Variants in GPC5 observed in about 807,000 individuals in gnomAD.
The protein encoded by GPC5 is glypican 5.
A neutral mutation model predicts 53.9 loss-of-function variants in GPC5; 47 were observed. The observed-to-expected ratio is 0.87, with a 90% CI of 0.69 to 1.11. The LOEUF is 1.11. GPC5 is among the 50% of genes most tolerant of loss of function. The probability of loss-of-function intolerance (pLI) is 0.00; values close to 1 mark genes in which losing one functional copy is unlikely to be tolerated. For synonymous variants in GPC5, 286 were observed against 263.3 expected (o/e 1.09, Z -0.84); for missense variants, 748 against 713.1 (o/e 1.05, Z -0.56).
chr13:92,632,821 G>C (rs1885295572), intron 7 of GPC5, among the ~76,000 whole-genome samples: 1 of 152,088 alleles, frequency 6.6e-6, no homozygotes, highest in African/African-American at 2.4e-5. Context: ...GGAGGAGCAA[G>C]TCACATTTTG....
intron 7 of GPC5, among the ~76,000 whole-genome samples, chr13:92,787,679 A>AAAAAAAAAAAAAAAAAG (rs1566418556): frequency 6.7e-6 from 1 of 148,920 alleles, no homozygotes; most frequent in East Asian, 2.0e-4. Flanking sequence ...AAAAAAAAAA[A>AAAAAAAAAAAAAAAAAG]AAAAGAAAAG....
At chr13:91,455,852 A>G (rs1264794243) in intron 2 of GPC5, among the ~76,000 whole-genome samples, 1 of 152,126 alleles carries the variant, frequency 6.6e-6, no homozygotes, top group Non-Finnish European at 1.5e-5. Flanking sequence ...CATTATATAC[A>G]TGCAACCCAC....
chr13:92,425,684 A>G (rs1329358123), intron 7 of GPC5, among the ~76,000 whole-genome samples: 5 of 152,024 alleles, frequency 3.3e-5, no homozygotes, highest in African/African-American at 9.7e-5. Flanking sequence ...CCTAAGCAAT[A>G]TGCCTTTATT....
chr13:92,770,324 G>T (rs1194345656), intron 7 of GPC5, among the ~76,000 whole-genome samples: 1 of 147,302 alleles, frequency 6.8e-6, no homozygotes, highest in Non-Finnish European at 1.5e-5. Flanking sequence ...TGAGGTGGGA[G>T]AACATTCTTG....
chr13:92,174,628 CTTCTT>C lies in GPC5; in HGVS notation c.1561+29641_1561+29645del, dbSNP rs552827804. ...ATTCATACATTTATCCACCTATACA[CTTCTT>C]TACTTAAAAACAGCAAAAAGTATTA... On this transcript the variant is annotated intron_variant, in intron 7 of 7. Transcript: ENST00000377067. Among the ~76,000 whole-genome samples, 202 of 152,096 alleles carry C rather than the reference CTTCTT, an allele frequency of 1.3e-3. 1 individual carries two copies. The highest frequency in any genetic ancestry group is 4.7e-3 in the African/African-American group (194 of 41,492).
chr13:91,691,340 G>T (rs1704689248), intron 2 of GPC5, among the ~76,000 whole-genome samples: 1 of 152,176 alleles, frequency 6.6e-6, no homozygotes, highest in Non-Finnish European at 1.5e-5. Flanking sequence ...GATTTCAAAT[G>T]CAGAGACCTG....
At chr13:92,213,503 G>C (rs1566487834) in intron 7 of GPC5, among the ~76,000 whole-genome samples, 1 of 152,064 alleles carries the variant, frequency 6.6e-6, no homozygotes, top group Non-Finnish European at 1.5e-5. Context: ...TCATTATCTA[G>C]TCAGTAATTC....
At chr13:92,453,965 T>C (rs1462627403) in intron 7 of GPC5, among the ~76,000 whole-genome samples, 2 of 152,200 alleles carry the variant, frequency 1.3e-5, no homozygotes, top group East Asian at 1.9e-4. Flanking sequence ...TGTCTGATTT[T>C]ATCCATCTGG....
intron 6 of GPC5, among the ~76,000 whole-genome samples, chr13:92,085,800 T>C (rs2138887720): frequency 6.6e-6 from 1 of 152,172 alleles, no homozygotes; most frequent in African/African-American, 2.4e-5. Context: ...CAGTTGACAG[T>C]AGGGTTCATA....
Position 91,447,660 on chromosome 13 carries a change from A to T in GPC5, c.164-1101A>T, listed in dbSNP as rs114733153. On this transcript the variant is annotated intron_variant, in intron 1 of 7. Coordinates refer to ENST00000377067, the MANE Select transcript of GPC5 (RefSeq NM_004466.6). ...GTGGAAAAAGTAGGAAGGGCTTGAAAGGTGGTTGTTATGTGCATGCGTCTT... is the reference window on the plus strand; with the variant it reads ...GTGGAAAAAGTAGGAAGGGCTTGAATGGTGGTTGTTATGTGCATGCGTCTT... Among the ~76,000 whole-genome samples the T allele has an allele frequency of 4.4e-3, 673 of 152,232 alleles. 4 individuals carry two copies. Among genetic ancestry groups the T allele is most frequent in the African/African-American group, 0.016 (653 of 41,556 alleles).
intron 7 of GPC5, among the ~76,000 whole-genome samples, chr13:92,154,866 A>G (rs1238814968): frequency 1.3e-5 from 2 of 152,196 alleles, no homozygotes; most frequent in African/African-American, 4.8e-5. Context: ...AAAATATTTC[A>G]TAATTTCTCA....
At chr13:91,580,635 T>A (rs1456125437) in intron 2 of GPC5, among the ~76,000 whole-genome samples, 3 of 152,212 alleles carry the variant, frequency 2.0e-5, no homozygotes, top group Non-Finnish European at 2.9e-5. Flanking sequence ...GAAACACCTT[T>A]GGAAGCAGTC....
intron 7 of GPC5, among the ~76,000 whole-genome samples, chr13:92,483,266 T>TC (rs1371326943): frequency 1.3e-5 from 2 of 152,158 alleles, no homozygotes; most frequent in African/African-American, 4.8e-5. Flanking sequence ...ATGAGCATAC[T>TC]TACACCAACC....
At chr13:92,833,228 T>C (rs9589632) in intron 7 of GPC5, among the ~76,000 whole-genome samples, 17,518 of 152,200 alleles carry the variant, frequency 0.12, 1,133 homozygotes, top group African/African-American at 0.19. Flanking sequence ...TACTTACTTA[T>C]ATGATTCACA....
chr13:92,166,124 T>C (rs1227565920), intron 7 of GPC5, among the ~76,000 whole-genome samples: 1 of 152,242 alleles, frequency 6.6e-6, no homozygotes, highest in East Asian at 1.9e-4. Context: ...TATTTATAAA[T>C]ATTAGTCTAA....
chr13:91,971,660 G>A (rs900471097), intron 6 of GPC5, among the ~76,000 whole-genome samples: 10 of 152,092 alleles, frequency 6.6e-5, no homozygotes, highest in Admixed American at 6.6e-5. Flanking sequence ...ATTCTGGTAT[G>A]TTGTGTCTTT....
At chr13:92,832,253 G>T (rs1421048577) in intron 7 of GPC5, among the ~76,000 whole-genome samples, 1 of 151,912 alleles carries the variant, frequency 6.6e-6, no homozygotes, top group South Asian at 2.1e-4. Context: ...CAAAGAAACT[G>T]TGAGTTTTCA....
intron 7 of GPC5, among the ~76,000 whole-genome samples, chr13:92,396,857 G>A (rs374070090): frequency 1.6e-4 from 25 of 152,284 alleles, no homozygotes; most frequent in African/African-American, 5.3e-4. Context: ...AGACAGGAAG[G>A]TTTGAATAAT....
intron 7 of GPC5, among the ~76,000 whole-genome samples, chr13:92,430,717 G>A (rs7991465): frequency 0.29 from 44,169 of 151,916 alleles, 7,439 homozygotes; most frequent in East Asian, 0.61. Context: ...CCTGCTGAAC[G>A]TGGCTAGTAA....
Sources: allele counts gnomAD v4.1 joint callset (sites outside exome capture counted in the v4.1 genomes callset), GRCh38; gene constraint gnomAD v4.1.1; transcripts MANE v1.5; gene names NCBI Gene and HGNC (gene_info 2026-07-23, HGNC 2026-07-21).